FAM20A: variants seen among roughly 807,000 people sequenced by gnomAD.
FAM20A encodes FAM20A golgi associated secretory pathway pseudokinase, also known as pseudokinase FAM20A.
Under a neutral mutation model 52.0 loss-of-function variants are expected in FAM20A, and 42 were observed. That is an observed-to-expected ratio of 0.81 (90% confidence interval 0.63 to 1.04). FAM20A has a LOEUF of 1.04. Ranked by LOEUF, FAM20A falls within the 50% of genes least tolerant of loss-of-function variation. FAM20A has a pLI of 0.00. For missense variants in FAM20A, 742 were observed against 712.7 expected, an observed-to-expected ratio of 1.04 and a Z score of -0.47; for synonymous variants, 304 against 298.9, an observed-to-expected ratio of 1.02 and a Z score of -0.18.
intron 1 of FAM20A, among the ~76,000 whole-genome samples, chr17:68,563,659 C>A (rs1457861674): frequency 1.3e-5 from 2 of 152,014 alleles, no homozygotes; most frequent in Non-Finnish European, 2.9e-5. Flanking sequence ...TTCTCAATAA[C>A]CTTCATCATC....
chr17:68,569,258 C>T (rs893185934), intron 1 of FAM20A, among the ~76,000 whole-genome samples: 2 of 152,160 alleles, frequency 1.3e-5, no homozygotes, highest in East Asian at 3.9e-4. Flanking sequence ...CCCTGCATCA[C>T]CGAATTGTGT....
chr17:68,560,294 G>A (rs147636900), intron 1 of FAM20A, among the ~76,000 whole-genome samples: 7,375 of 149,698 alleles, frequency 0.049, 605 homozygotes, highest in African/African-American at 0.17. Flanking sequence ...GCAGTGAGCT[G>A]AGATCACGCC....
rs1298068750 is a variant in FAM20A at position 68,542,096 on chromosome 17, G to A, written c.998C>T (p.Pro333Leu). 6.2e-7 allele frequency: 1 copy of A among 1,613,840 alleles called. No individual in the cohort carries two copies. Among genetic ancestry groups the A allele is most frequent in the Non-Finnish European group, 8.5e-7 (1 of 1,179,890 alleles). ...CKTEYAVCGN[P>L]HLLEGSLSAF... ...AGAGAGGGAACCCTCCAGCAGGTGT[G>A]GGTTGCCACAGACAGCATACTCCGT... Residue 333 changes from proline (P) to leucine (L), a missense_variant, in exon 7 of 11, where the codon CCA becomes CTA. By Grantham distance (98) the Pro-to-Leu change is moderately conservative (BLOSUM62 -3). Transcript: ENST00000592554.
At chr17:68,539,065 G>A (rs1347096651) in intron 10 of FAM20A, among the ~76,000 whole-genome samples, 1 of 152,184 alleles carries the variant, frequency 6.6e-6, no homozygotes, top group African/African-American at 2.4e-5. Context: ...GTGGATAGCT[G>A]TGTATATAAA....
rs1005093482 is a variant in FAM20A at position 68,535,762 on chromosome 17, T to C, written c.*1715A>G. 2.2e-6 allele frequency: 1 copy of C among 453,228 alleles called. No individual in the cohort carries two copies. Among genetic ancestry groups the C allele is most frequent in the East Asian group, 6.9e-5 (1 of 14,392 alleles). The allele number at this position is 453,228 out of a possible 1,614,324, so 28.1% of individuals were successfully genotyped here. A position where few individuals can be genotyped will look rare whatever the true frequency, so the allele number is the denominator to read the frequency against. ...CCTGAGACCAAGCGATCTGCCTGTT[T>C]AGGCCCAAAGTGCTGGGATTACAGG... On this transcript the variant is annotated 3_prime_UTR_variant, in exon 11 of 11. Transcript: ENST00000592554.
Position 68,555,568 on chromosome 17 carries a change from T to G in FAM20A, c.580A>C (p.Ile194Leu). ...ATCCCATGAACCTTACCAGCACTGATGGTGGGAAAGTGCCTCATGTCTTGC... is the reference window on the plus strand; with the variant it reads ...ATCCCATGAACCTTACCAGCACTGAGGGTGGGAAAGTGCCTCATGTCTTGC... ...LLQDMRHFPT[I>L]SADYSQDEKA... is the part of the protein sequence containing the mutation. Residue 194 changes from isoleucine to leucine, a missense_variant, in exon 2 of 11, where the codon ATC becomes CTC. By Grantham distance (5) the Ile-to-Leu change is conservative. Transcript: ENST00000592554. 6.2e-7 allele frequency: 1 copy of G among 1,612,770 alleles called. No individual in the cohort carries two copies. The highest frequency in any genetic ancestry group is 1.1e-5 in the South Asian group (1 of 91,006).
At chr17:68,543,271 T>C (rs2086391783) in intron 5 of FAM20A, among the ~76,000 whole-genome samples, 1 of 152,146 alleles carries the variant, frequency 6.6e-6, no homozygotes, top group Admixed American at 6.5e-5. Context: ...GTGGAATGTT[T>C]AGGAATGTGC....
At chr17:68,594,357 C>T (rs2088392613) in intron 1 of FAM20A, among the ~76,000 whole-genome samples, 1 of 151,664 alleles carries the variant, frequency 6.6e-6, no homozygotes, top group African/African-American at 2.4e-5. Context: ...CGAGATCGCG[C>T]CACTGCACTC....
At chr17:68,542,665 C>G (rs772663896) in intron 6 of FAM20A, 29 bp downstream of exon 6, 1 of 1,562,736 alleles carries the variant, frequency 6.4e-7, no homozygotes, top group Non-Finnish European at 8.8e-7. Context: ...CTACTCAGAC[C>G]CGGAATATCA....
chr17:68,571,892 T>C (rs1157923630), intron 1 of FAM20A, among the ~76,000 whole-genome samples: 2 of 149,898 alleles, frequency 1.3e-5, no homozygotes, highest in Non-Finnish European at 3.0e-5. Context: ...ATCAATAAAT[T>C]ACTGGTGACT....
At chr17:68,540,125 G>A (rs1568719033) in intron 8 of FAM20A, among the ~76,000 whole-genome samples, 159 bp from the exon 9 acceptor site, 1 of 152,184 alleles carries the variant, frequency 6.6e-6, no homozygotes, top group Admixed American at 6.5e-5. Flanking sequence ...GGCCATCAGT[G>A]AAGCAGCCGC....
At chr17:68,560,621 C>G (rs562998550) in intron 1 of FAM20A, among the ~76,000 whole-genome samples, 1 of 152,240 alleles carries the variant, frequency 6.6e-6, no homozygotes, top group South Asian at 2.1e-4. Flanking sequence ...TTTGTTATGC[C>G]GAGCGATGCT....
At chr17:68,582,652 A>G (rs1235742988) in intron 1 of FAM20A, 6 of 152,252 alleles carry the variant, frequency 3.9e-5, no homozygotes, top group African/African-American at 1.4e-4. Flanking sequence ...TCTGTACATG[A>G]TCTGACTCCA....
At position 68,542,218 on chromosome 17, in the gene FAM20A, A is replaced by C. The variant is rs78681907; in HGVS notation, c.929-53T>G. The C allele has an allele frequency of 3.9e-4, 622 of 1,595,044 alleles. 3 individuals are homozygous for C. The African/African-American group carries it at 7.6e-3, about 20-fold the overall frequency. ...GTAAGTGGAGGGCTCTGGAGGCATG[A>C]CATCTTCCTGGCCTAGGAAATCCAC... On this transcript the variant is annotated intron_variant, in intron 6 of 10. Transcript: ENST00000592554.
At chr17:68,599,021 C>T (rs2143955075) in intron 1 of FAM20A, among the ~76,000 whole-genome samples, 1 of 152,312 alleles carries the variant, frequency 6.6e-6, no homozygotes, top group Admixed American at 6.5e-5. Flanking sequence ...CACTTTCTTT[C>T]TAACATAAAA....
At chr17:68,584,289 C>G (rs781286173) in intron 1 of FAM20A, among the ~76,000 whole-genome samples, 1 of 151,982 alleles carries the variant, frequency 6.6e-6, no homozygotes, top group Non-Finnish European at 1.5e-5. Context: ...TGTATTCCAG[C>G]CTGGGTGGCA....
intron 5 of FAM20A, among the ~76,000 whole-genome samples, chr17:68,543,040 C>T (rs568458575): frequency 2.6e-5 from 4 of 152,146 alleles, no homozygotes; most frequent in Non-Finnish European, 5.9e-5. Context: ...TTCCGTCAAG[C>T]CTCCTGGGCA....
At position 68,600,385 on chromosome 17, in the gene FAM20A, G is replaced by A; in HGVS notation, c.282C>T (p.Ala94=). The part of the protein sequence containing the change: ...SHSGSSSKLQ[A]LFAHPLYNVP... ...CGTTGTACAGCGGGTGGGCGAAGAG[G>A]GCCTGCAACTTGGAGCTCGACCCGC... The change falls in exon 1 of 11, where the codon GCC becomes GCT. Residue 94 remains alanine, a synonymous_variant. Coordinates refer to ENST00000592554, the MANE Select transcript of FAM20A (RefSeq NM_017565.4). This position sits in a 1 kb window ranked among gnomAD's most constrained non-coding sequence, Gnocchi z 6.2. 2 of 1,608,202 alleles carry A rather than the reference G, an allele frequency of 1.2e-6. No homozygotes were observed. The highest frequency in any genetic ancestry group is 1.7e-6 in the Non-Finnish European group (2 of 1,178,060).
intron 3 of FAM20A, among the ~76,000 whole-genome samples, chr17:68,553,485 A>G (rs2086935296): frequency 6.6e-6 from 1 of 152,168 alleles, no homozygotes; most frequent in Non-Finnish European, 1.5e-5. Flanking sequence ...GGGGCCACTC[A>G]TGGCTGGTGA....
Sources: gnomAD v4.1 joint callset for allele counts (sites outside exome capture counted in the v4.1 genomes callset) on GRCh38, gnomAD v4.1.1 for gene constraint, Gnocchi (gnomAD v3.1) non-coding constraint, MANE v1.5 for transcripts, NCBI Gene and HGNC (gene_info 2026-07-23, HGNC 2026-07-21) for gene names.